The following MEGF10 variants were observed in gnomAD, a reference collection of about 807,000 sequenced individuals.
MEGF10 encodes the protein multiple epidermal growth factor-like domains protein 10.
In MEGF10, 86 loss-of-function variants were observed where a neutral mutation model predicts 147.5. That is an observed-to-expected ratio of 0.58 (90% CI 0.49 to 0.70). The LOEUF (loss-of-function observed/expected upper bound fraction) is 0.70, where lower values mean the gene tolerates loss of function less well. Among genes scored for constraint, MEGF10 ranks in the 30% least tolerant of loss-of-function variants. MEGF10 has a pLI of 0.00. For missense variants in MEGF10, 1,329 were observed against 1,487.3 expected (o/e 0.89, Z 1.75); for synonymous variants, 478 against 525.5 (o/e 0.91, Z 1.24).
chr5:127,356,133 T>C (rs1314030778), intron 4 of MEGF10, among the ~76,000 whole-genome samples: 1 of 152,240 alleles, frequency 6.6e-6, no homozygotes, highest in Non-Finnish European at 1.5e-5. Context: ...AAACACAGTT[T>C]GATCTAAGTG....
the MEGF10 span, among the ~76,000 whole-genome samples, chr5:127,267,357 C>T: frequency 6.6e-6 from 1 of 152,174 alleles, no homozygotes; most frequent in Non-Finnish European, 1.5e-5. Context: ...CATCAATGTT[C>T]ATCAGGGATA....
chr5:127,328,830 A>C (rs1761143882), intron 1 of MEGF10, among the ~76,000 whole-genome samples: 2 of 152,240 alleles, frequency 1.3e-5, no homozygotes, highest in Admixed American at 1.3e-4. Flanking sequence ...TTGAAGGGAA[A>C]TACTTCTCAC....
rs114972213 is a variant in MEGF10 at position 127,329,139 on chromosome 5, C to T, written c.-18-2152C>T. Reference sequence around the variant, plus strand: ...TATTCATTCCCCTTAAATGAAATAGCTTCTTTATATAATGTTAAGCTTCAG... The same window carrying T: ...TATTCATTCCCCTTAAATGAAATAGTTTCTTTATATAATGTTAAGCTTCAG... On this transcript the variant is annotated intron_variant, in intron 1 of 24. Coordinates refer to ENST00000503335, the MANE Select transcript of MEGF10 (RefSeq NM_001256545.2). 8.5e-3 allele frequency among the ~76,000 whole-genome samples: 1,288 copies of T among 152,146 alleles called. 17 individuals carry two copies. The highest frequency in any genetic ancestry group is 0.029 in the African/African-American group (1,206 of 41,518).
chr5:127,455,661 T>G (rs1766337598), intron 24 of MEGF10, 54 bp downstream of exon 24: 1 of 1,450,080 alleles, frequency 6.9e-7, no homozygotes, highest in Admixed American at 1.9e-5. Context: ...TAAAAACAAT[T>G]TTAAAGTCTT....
intron 1 of MEGF10, among the ~76,000 whole-genome samples, chr5:127,319,031 CCCTCCCTCCCTCCCTT>C (rs1477430934): frequency 6.6e-3 from 845 of 128,606 alleles, no homozygotes; most frequent in Non-Finnish European, 9.2e-3. Flanking sequence ...TTACCTCCCT[CCCTCCCTCCCTCCCTT>C]CCTCCCTCCC....
chr5:127,417,540 C>A, intron 9 of MEGF10, 98 bp from the exon 10 acceptor site: 1 of 1,168,694 alleles, frequency 8.6e-7, no homozygotes, highest in Non-Finnish European at 1.3e-6. Context: ...ATGGAATTAC[C>A]CACACATTTA....
chr5:127,249,194 C>A, the MEGF10 span, among the ~76,000 whole-genome samples: 1 of 151,926 alleles, frequency 6.6e-6, no homozygotes, highest in Admixed American at 6.6e-5. Context: ...ATGACAATAG[C>A]ATTACAAATT....
chr5:127,241,235 A>G, the MEGF10 span, among the ~76,000 whole-genome samples: 6 of 152,222 alleles, frequency 3.9e-5, no homozygotes, highest in South Asian at 1.2e-3. Flanking sequence ...CTTAAGCAAC[A>G]AAGGGAATTT....
intron 1 of MEGF10, among the ~76,000 whole-genome samples, chr5:127,324,715 A>T (rs1760934517): frequency 1.3e-5 from 2 of 152,210 alleles, no homozygotes; most frequent in African/African-American, 4.8e-5. Flanking sequence ...TTGCTCAAAG[A>T]CTTCAAGTAA....
At chr5:127,241,973 T>C in the MEGF10 span, among the ~76,000 whole-genome samples, 1 of 152,060 alleles carries the variant, frequency 6.6e-6, no homozygotes, top group African/African-American at 2.4e-5. Flanking sequence ...ACAGTAGATA[T>C]AGCTCCTTGT....
rs1762499930 is a variant in MEGF10, at chr5:127,362,341, T to A, written c.320-7569T>A. 1.3e-5 allele frequency among the ~76,000 whole-genome samples: 2 copies of A among 151,064 alleles called. 1 individual carries two copies. The stretch of plus-strand genomic sequence containing the variant: ...ATTAGCGTTAGTATGGTTTTTTTTT[T>A]TTTTTACATACCTTTACTTAAAAAA... On this transcript the variant is annotated intron_variant, in intron 4 of 24. Coordinates refer to ENST00000503335, the MANE Select transcript of MEGF10 (RefSeq NM_001256545.2).
chr5:127,370,907 T>G (rs1424592822), intron 5 of MEGF10, among the ~76,000 whole-genome samples: 1 of 152,206 alleles, frequency 6.6e-6, no homozygotes, highest in Non-Finnish European at 1.5e-5. Context: ...TTTAAAAAGT[T>G]AGCAAGTTCG....
intron 1 of MEGF10, among the ~76,000 whole-genome samples, chr5:127,325,104 C>T (rs1354558891): frequency 6.6e-6 from 1 of 152,186 alleles, no homozygotes; most frequent in East Asian, 1.9e-4. Context: ...GGTTTCATTG[C>T]TAGTGTGAGG....
At chr5:127,316,859 AAAG>A (rs1476694309) in intron 1 of MEGF10, among the ~76,000 whole-genome samples, 1 of 152,200 alleles carries the variant, frequency 6.6e-6, no homozygotes, top group Non-Finnish European at 1.5e-5. Flanking sequence ...TTACAGGAGC[AAAG>A]AAGAAGAATG....
intron 12 of MEGF10, among the ~76,000 whole-genome samples, chr5:127,422,298 A>G (rs1237255987): frequency 1.3e-5 from 2 of 152,068 alleles, no homozygotes; most frequent in East Asian, 3.9e-4. Context: ...AGGCGAGTGG[A>G]TCACCTGAGG....
intron 22 of MEGF10, among the ~76,000 whole-genome samples, chr5:127,452,334 A>C (rs1430065792): frequency 1.3e-5 from 2 of 152,232 alleles, no homozygotes; most frequent in Non-Finnish European, 2.9e-5. Context: ...GAGATGGCCA[A>C]GAGTATTTGG....
chr5:127,320,250 G>T (rs1760738652), intron 1 of MEGF10, among the ~76,000 whole-genome samples: 1 of 152,116 alleles, frequency 6.6e-6, no homozygotes, highest in African/African-American at 2.4e-5. Flanking sequence ...CCCTGTCATT[G>T]TCTCCACCTG....
chr5:127,351,371 T>C (rs1048058822), intron 4 of MEGF10, among the ~76,000 whole-genome samples: 6 of 152,198 alleles, frequency 3.9e-5, no homozygotes, highest in African/African-American at 1.4e-4. Flanking sequence ...TAAGCTGCTT[T>C]GTTCATTTGT....
chr5:127,289,856 A>G (rs2408868), upstream of MEGF10, among the ~76,000 whole-genome samples: 78,162 of 151,862 alleles, frequency 0.51, 20,208 homozygotes, highest in Middle Eastern at 0.71. Flanking sequence ...TGGGGCTTAA[A>G]CCTGTTTTTG....
Sources: allele counts gnomAD v4.1 joint callset (sites outside exome capture counted in the v4.1 genomes callset), GRCh38; gene constraint gnomAD v4.1.1; transcripts MANE v1.5; gene names NCBI Gene and HGNC (gene_info 2026-07-23, HGNC 2026-07-21).